The following TRPC4 variants were observed in gnomAD, a reference collection of about 807,000 sequenced individuals.
The protein encoded by TRPC4 is short transient receptor potential channel 4.
In TRPC4, 49 loss-of-function variants were observed where a neutral mutation model predicts 99.4. The ratio of observed to expected loss-of-function variants is 0.49; its 90% CI spans 0.39 to 0.63. The LOEUF is 0.63. Ranked by LOEUF, TRPC4 falls within the 20% of genes least tolerant of loss-of-function variation. The pLI is 0.00. For missense variants in TRPC4, 898 were observed against 1,152.9 expected, an observed-to-expected ratio of 0.78 and a Z score of 3.20; for synonymous variants, 454 against 425.9, an observed-to-expected ratio of 1.07 and a Z score of -0.81.
chr13:37,748,116 T>A (rs1955835991), intron 2 of TRPC4, among the ~76,000 whole-genome samples: 2 of 152,142 alleles, frequency 1.3e-5, no homozygotes, highest in South Asian at 4.1e-4. Context: ...ACAACTTATG[T>A]ATTATTTCTG....
At chr13:37,707,699 T>G (rs1275182188) in intron 3 of TRPC4, among the ~76,000 whole-genome samples, 5 of 152,148 alleles carry the variant, frequency 3.3e-5, no homozygotes, top group Admixed American at 6.6e-5. Context: ...CAGTGACTCT[T>G]AATCCTCTTG....
rs558262632 is a variant in TRPC4 at position 37,781,696 on chromosome 13, G to A, written c.378+1260C>T. ...CCGTTTATGAAAGAAACAACAAAAT[G>A]CCAGCAAAGCAACAAGCAGAAAAGT... On this transcript the variant is annotated intron_variant, in intron 2 of 10. Transcript: ENST00000379705. 1.3e-5 allele frequency among the ~76,000 whole-genome samples: 2 copies of A among 152,134 alleles called. 1 individual carries two copies. The highest frequency in any genetic ancestry group is 4.1e-4 in the South Asian group (2 of 4,824).
chr13:37,651,657 G>A (rs1381047868), intron 7 of TRPC4, among the ~76,000 whole-genome samples, 198 bp from the exon 8 acceptor site: 1 of 152,128 alleles, frequency 6.6e-6, no homozygotes. Context: ...CACAGCTCTC[G>A]TGTCACTTCT....
At chr13:37,717,333 G>A (rs1334361149) in intron 3 of TRPC4, among the ~76,000 whole-genome samples, 1 of 152,064 alleles carries the variant, frequency 6.6e-6, no homozygotes, top group Non-Finnish European at 1.5e-5. Context: ...CATTTTAAAT[G>A]CTATTGGCTA....
chr13:37,715,602 A>G (rs1954635542), intron 3 of TRPC4, among the ~76,000 whole-genome samples: 1 of 152,134 alleles, frequency 6.6e-6, no homozygotes. Flanking sequence ...AGGACATTAC[A>G]CAGCTTAAAA....
chr13:37,670,642 T>C (rs922525155), intron 5 of TRPC4, among the ~76,000 whole-genome samples: 4 of 152,248 alleles, frequency 2.6e-5, no homozygotes, highest in Non-Finnish European at 5.9e-5. Context: ...TCTTCTCCTA[T>C]GTTCACTGCT....
chr13:37,720,466 T>G (rs148607709), intron 3 of TRPC4, among the ~76,000 whole-genome samples: 168 of 152,202 alleles, frequency 1.1e-3, no homozygotes, highest in African/African-American at 2.0e-3. Context: ...AGTAGTAGTA[T>G]TATTTTGCTT....
At chr13:37,647,144 A>G (rs1026151899) in intron 8 of TRPC4, among the ~76,000 whole-genome samples, 3 of 152,168 alleles carry the variant, frequency 2.0e-5, no homozygotes, top group African/African-American at 4.8e-5. Context: ...GAGAGTGGCC[A>G]ATGTAGCAAC....
At chr13:37,796,946 A>AAAT in intron 1 of TRPC4, among the ~76,000 whole-genome samples, 3 of 137,904 alleles carry the variant, frequency 2.2e-5, no homozygotes, top group Non-Finnish European at 1.6e-5. Flanking sequence ...AAATAAAATA[A>AAAT]AATAAAATAA....
chr13:37,867,954 A>G (rs895470049), intron 1 of TRPC4, among the ~76,000 whole-genome samples: 1 of 152,132 alleles, frequency 6.6e-6, no homozygotes, highest in African/African-American at 2.4e-5. Context: ...ATAGAATAAG[A>G]CATTAAAATT....
intron 1 of TRPC4, among the ~76,000 whole-genome samples, chr13:37,813,840 A>T (rs1052353362): frequency 6.6e-6 from 1 of 151,924 alleles, no homozygotes; most frequent in African/African-American, 2.4e-5. Context: ...AACTCATTCT[A>T]TGAAGGCAGA....
At chr13:37,654,579 C>T (rs761092861) in intron 7 of TRPC4, among the ~76,000 whole-genome samples, 3 of 152,092 alleles carry the variant, frequency 2.0e-5, no homozygotes, top group Non-Finnish European at 4.4e-5. Context: ...TGTATTGTAT[C>T]GTGTATTATC....
At chr13:37,863,297 C>T (rs1404949312) in intron 1 of TRPC4, among the ~76,000 whole-genome samples, 1 of 151,558 alleles carries the variant, frequency 6.6e-6, no homozygotes, top group Non-Finnish European at 1.5e-5. Context: ...TTTATAGGGA[C>T]ACTGACATAT....
At chr13:37,729,619 G>A (rs1955179210) in intron 3 of TRPC4, among the ~76,000 whole-genome samples, 1 of 152,080 alleles carries the variant, frequency 6.6e-6, no homozygotes, top group Admixed American at 6.6e-5. Flanking sequence ...ATAGGCAAAT[G>A]TGGTAAATAC....
At chr13:37,860,326 A>G (rs1959229382) in intron 1 of TRPC4, among the ~76,000 whole-genome samples, 1 of 151,262 alleles carries the variant, frequency 6.6e-6, no homozygotes, top group African/African-American at 2.4e-5. Context: ...TTTAGTGTAA[A>G]ACACTCAAAC....
At chr13:37,650,325 T>C (rs1438946568) in intron 8 of TRPC4, among the ~76,000 whole-genome samples, 4 of 152,204 alleles carry the variant, frequency 2.6e-5, no homozygotes, top group African/African-American at 7.2e-5. Context: ...AAGTGACTAA[T>C]GAATATGAGT....
intron 3 of TRPC4, among the ~76,000 whole-genome samples, chr13:37,715,091 C>T (rs1954614801): frequency 6.6e-6 from 1 of 152,060 alleles, no homozygotes; most frequent in Non-Finnish European, 1.5e-5. Context: ...CAGAGTGATC[C>T]CAATAATTTG....
Position 37,757,641 on chromosome 13 carries a change from A to AAC in TRPC4, c.379-11188_379-11187dup, listed in dbSNP as rs145156899. Among the ~76,000 whole-genome samples, 1,482 of 150,592 alleles carry AAC rather than the reference A, an allele frequency of 9.8e-3. 8 individuals are homozygous for AAC. The highest frequency in any genetic ancestry group is 0.031 in the Middle Eastern group (9 of 294). On this transcript the variant is annotated intron_variant, in intron 2 of 10. Coordinates refer to ENST00000379705, the MANE Select transcript of TRPC4 (RefSeq NM_016179.4). ...GTATCAGGTTGAAGAAATAAATCAC[A>AAC]ACACACACACACACACACAAATATT...
intron 3 of TRPC4, among the ~76,000 whole-genome samples, chr13:37,740,451 A>T (rs1955546661): frequency 6.6e-6 from 1 of 152,192 alleles, no homozygotes. Context: ...GGAGTGATAC[A>T]CTTATCAAAA....
Sources: allele counts gnomAD v4.1 joint callset (sites outside exome capture counted in the v4.1 genomes callset), GRCh38; gene constraint gnomAD v4.1.1; transcripts MANE v1.5; gene names NCBI Gene and HGNC (gene_info 2026-07-23, HGNC 2026-07-21).